SAMD12: variants seen among roughly 807,000 people sequenced by gnomAD.
SAMD12 encodes the protein sterile alpha motif domain containing 12.
Under a neutral mutation model 15.0 loss-of-function variants are expected in SAMD12, and 9 were observed. The observed-to-expected ratio is 0.60, with a 90% CI of 0.36 to 1.05. SAMD12 has a LOEUF of 1.05. Ranked by LOEUF, SAMD12 falls within the 50% of genes least tolerant of loss-of-function variation. The probability of loss-of-function intolerance (pLI) is 0.01; values close to 1 mark genes in which losing one functional copy is unlikely to be tolerated. For missense variants in SAMD12, 230 were observed against 234.2 expected, an observed-to-expected ratio of 0.98 and a Z score of 0.12; for synonymous variants, 86 against 90.1, an observed-to-expected ratio of 0.96 and a Z score of 0.25.
the SAMD12 span, among the ~76,000 whole-genome samples, chr8:118,165,737 A>G: frequency 6.6e-6 from 1 of 151,106 alleles, no homozygotes. Context: ...ATGCTTTTAA[A>G]TTTACTTATT....
At chr8:118,252,643 A>C (rs1031101043) in intron 4 of SAMD12, among the ~76,000 whole-genome samples, 3 of 148,854 alleles carry the variant, frequency 2.0e-5, no homozygotes, top group African/African-American at 5.0e-5. Context: ...CTCTCCCCTC[A>C]TTCCCTCTTT....
At chr8:118,287,121 TA>T (rs1421569985) in intron 4 of SAMD12, among the ~76,000 whole-genome samples, 2,594 of 118,796 alleles carry the variant, frequency 0.022, 105 homozygotes, top group African/African-American at 0.1. Context: ...TAAGGAAGAA[TA>T]TTTTTTTTTT....
intron 1 of SAMD12, among the ~76,000 whole-genome samples, chr8:118,604,363 T>A (rs1167951649): frequency 1.3e-5 from 2 of 152,198 alleles, no homozygotes; most frequent in African/African-American, 4.8e-5. Flanking sequence ...TTGCCTAAAA[T>A]CAGAATCCTA....
At chr8:118,602,995 T>G (rs190082872) in intron 1 of SAMD12, among the ~76,000 whole-genome samples, 2 of 152,284 alleles carry the variant, frequency 1.3e-5, no homozygotes, top group African/African-American at 4.8e-5. Flanking sequence ...CAAAATAGGA[T>G]GCTGAATTTT....
intron 3 of SAMD12, among the ~76,000 whole-genome samples, chr8:118,395,280 C>T (rs1226094336): frequency 6.6e-6 from 1 of 152,114 alleles, no homozygotes; most frequent in Non-Finnish European, 1.5e-5. Flanking sequence ...AGCCTATGTA[C>T]CACACTCCCT....
At chr8:118,160,792 T>A in the SAMD12 span, among the ~76,000 whole-genome samples, 926 of 152,342 alleles carry the variant, frequency 6.1e-3, 12 homozygotes, top group Non-Finnish European at 6.6e-3. Context: ...TTCTTTTTTT[T>A]AATTTTATTA....
rs988714111 is a variant in SAMD12 at position 118,516,640 on chromosome 8, T to C, written c.192+64075A>G. On this transcript the variant is annotated intron_variant, in intron 2 of 3. Transcript: ENST00000314727. ...GTTGTTTATATTTTTCTTTCTTTCTTTTTTTTTTTTTGGAGATGGAGTCTC... is the reference window on the plus strand; with the variant it reads ...GTTGTTTATATTTTTCTTTCTTTCTCTTTTTTTTTTTGGAGATGGAGTCTC... 4.0e-5 allele frequency among the ~76,000 whole-genome samples: 6 copies of C among 148,592 alleles called. 1 individual carries two copies. The highest frequency in any genetic ancestry group is 3.3e-4 in the Admixed American group (5 of 14,936).
chr8:118,222,002 G>A (rs1301602726), intron 4 of SAMD12, among the ~76,000 whole-genome samples: 1 of 152,182 alleles, frequency 6.6e-6, no homozygotes, highest in Non-Finnish European at 1.5e-5. Flanking sequence ...ATATTCATGT[G>A]GGCCACATAA....
intron 4 of SAMD12, among the ~76,000 whole-genome samples, chr8:118,207,000 G>A (rs1313938985): frequency 2.0e-5 from 3 of 152,210 alleles, no homozygotes; most frequent in African/African-American, 7.2e-5. Context: ...ATGTATGTAT[G>A]AAGAAAGCCA....
intron 2 of SAMD12, among the ~76,000 whole-genome samples, chr8:118,570,761 C>T (rs1296548239): frequency 2.0e-5 from 3 of 152,198 alleles, no homozygotes; most frequent in Middle Eastern, 3.4e-3. Context: ...GGCTGTGTCC[C>T]CACCCAAATC....
intron 2 of SAMD12, among the ~76,000 whole-genome samples, chr8:118,480,586 T>TA (rs1563885815): frequency 6.6e-6 from 1 of 152,186 alleles, no homozygotes; most frequent in Admixed American, 6.5e-5. Flanking sequence ...GACAGAGGTA[T>TA]AAACTGTTGC....
intron 2 of SAMD12, among the ~76,000 whole-genome samples, chr8:118,475,546 A>G (rs943828759): frequency 3.9e-5 from 6 of 152,222 alleles, no homozygotes; most frequent in Non-Finnish European, 5.9e-5. Context: ...GAGGCATAGT[A>G]TGCTTAAGAA....
intron 4 of SAMD12, among the ~76,000 whole-genome samples, chr8:118,281,266 TG>T (rs1431022294): frequency 6.6e-6 from 1 of 152,326 alleles, no homozygotes; most frequent in African/African-American, 2.4e-5. Context: ...AGGAAAGAAC[TG>T]AGATGCCATG....
chr8:118,342,362 A>G (rs1461425357), intron 4 of SAMD12, among the ~76,000 whole-genome samples: 1 of 152,214 alleles, frequency 6.6e-6, no homozygotes, highest in African/African-American at 2.4e-5. Context: ...TCTTAAAATA[A>G]CAATCTTAAA....
intron 3 of SAMD12, among the ~76,000 whole-genome samples, chr8:118,383,338 G>A (rs1049878159): frequency 3.3e-5 from 5 of 152,110 alleles, no homozygotes; most frequent in African/African-American, 1.2e-4. Flanking sequence ...GCAAATATAG[G>A]AGCTCAGAAC....
intron 2 of SAMD12, among the ~76,000 whole-genome samples, chr8:118,506,529 G>A (rs1824925200): frequency 6.6e-6 from 1 of 152,004 alleles, no homozygotes; most frequent in Non-Finnish European, 1.5e-5. Context: ...TATGTCAACA[G>A]TGTTTATGAG....
chr8:118,282,262 C>T (rs1166427214), intron 4 of SAMD12: 1 of 456,072 alleles, frequency 2.2e-6, no homozygotes, highest in Non-Finnish European at 4.4e-6. Context: ...CTAAGAGGAA[C>T]TTTTAACTTG....
chr8:118,264,283 G>T (rs564137865), intron 4 of SAMD12, among the ~76,000 whole-genome samples: 1 of 152,154 alleles, frequency 6.6e-6, no homozygotes, highest in African/African-American at 2.4e-5. Flanking sequence ...TCCCACTAAA[G>T]GATATTCTCA....
chr8:118,350,130 C>A (rs745494571), intron 4 of SAMD12, among the ~76,000 whole-genome samples: 1 of 152,126 alleles, frequency 6.6e-6, no homozygotes, highest in Non-Finnish European at 1.5e-5. Context: ...CAAAAGCTAC[C>A]ATTGTGAGAG....
Sources: allele counts gnomAD v4.1 joint callset (sites outside exome capture counted in the v4.1 genomes callset), GRCh38; gene constraint gnomAD v4.1.1; transcripts MANE v1.5; gene names NCBI Gene and HGNC (gene_info 2026-07-23, HGNC 2026-07-21).